The following TP53BP1 variants were observed in gnomAD, a reference collection of about 807,000 sequenced individuals.
TP53BP1 encodes TP53-binding protein 1.
Under a neutral mutation model 200.8 loss-of-function variants are expected in TP53BP1, and 61 were observed. The observed-to-expected ratio is 0.30, with a 90% CI of 0.25 to 0.38. The LOEUF (loss-of-function observed/expected upper bound fraction) is 0.38, where lower values mean the gene tolerates loss of function less well. Ranked by LOEUF, TP53BP1 falls within the 10% of genes least tolerant of loss-of-function variation. The pLI, the probability that TP53BP1 is intolerant of heterozygous loss-of-function variation, is 1.00. For synonymous variants in TP53BP1, 822 were observed against 844.3 expected (o/e 0.97, Z 0.46); for missense variants, 2,144 against 2,371.9 (o/e 0.90, Z 2.00).
At position 43,432,341 on chromosome 15, in the gene TP53BP1, G is replaced by A; in HGVS notation, c.3528C>T (p.Thr1176=). 6.2e-7 allele frequency: 1 copy of A among 1,614,148 alleles called. No individual in the cohort carries two copies. The highest frequency in any genetic ancestry group is 8.5e-7 in the Non-Finnish European group (1 of 1,180,028). Residue 1176 remains threonine (T), a synonymous_variant, in exon 17 of 28, where the codon ACC becomes ACT. Transcript: ENST00000382044. The part of the protein sequence containing the change: ...LRVPETVSAA[T]QTIKNVCEQG... Reference sequence around the variant, plus strand: ...GCTCACACACATTCTTTATAGTCTGGGTTGCTGCTGAAACAGTTTCTGGGA... The same window carrying A: ...GCTCACACACATTCTTTATAGTCTGAGTTGCTGCTGAAACAGTTTCTGGGA...
rs368317370 is a variant in TP53BP1, at chr15:43,455,916, G to C, written c.2692C>G (p.Gln898Glu). Reference sequence around the variant, plus strand: ...CCACTAGAACTTTCACAGAAGCTTTGTGAGGCATGGGCAGAGGGCTTCCCC... The same window carrying C: ...CCACTAGAACTTTCACAGAAGCTTTCTGAGGCATGGGCAGAGGGCTTCCCC... ...KLGKPSAHASQSFCESSSETP... is the reference protein window; with the variant it reads ...KLGKPSAHASESFCESSSETP... The change falls in exon 12 of 28, where the codon CAA (glutamine) becomes GAA (glutamate). Residue 898 changes from glutamine to glutamate, a missense_variant. By Grantham distance (29) the Gln-to-Glu change is conservative (BLOSUM62 2). This residue lies in a region of TP53BP1 where 1,700 missense variants were observed against 1,710.3 expected (regional missense o/e 0.99). Transcript: ENST00000382044. 2.5e-6 allele frequency: 4 copies of C among 1,614,116 alleles called. No homozygotes were observed. The highest frequency in any genetic ancestry group is 2.5e-6 in the Non-Finnish European group (3 of 1,180,034).
At chr15:43,458,191 G>C (rs1397240959) in intron 11 of TP53BP1, among the ~76,000 whole-genome samples, 1 of 152,082 alleles carries the variant, frequency 6.6e-6, no homozygotes, top group East Asian at 1.9e-4. Context: ...CAGCACTTTA[G>C]TAGGCCAAGG....
At chr15:43,474,206 A>G (rs999957920) in intron 10 of TP53BP1, among the ~76,000 whole-genome samples, 5 of 151,986 alleles carry the variant, frequency 3.3e-5, no homozygotes, top group Admixed American at 3.3e-4. Flanking sequence ...CCCACCAGGA[A>G]CTCCAGCTGG....
chr15:43,407,659 C>CCACT, intron 27 of TP53BP1, 89 bp from the exon 28 acceptor site: 1 of 1,263,764 alleles, frequency 7.9e-7, no homozygotes, highest in Non-Finnish European at 1.1e-6. Flanking sequence ...CCAATACATC[C>CCACT]CACTCTGCAC....
rs2045372161 is a variant in TP53BP1, at chr15:43,420,616, A to T, written c.4370T>A (p.Val1457Glu). 1.1e-5 allele frequency: 18 copies of T among 1,614,132 alleles called. No individual in the cohort carries two copies. Among genetic ancestry groups the T allele is most frequent in the Middle Eastern group, 1.6e-4 (1 of 6,062 alleles). The change falls in exon 21 of 28, where the codon GTG becomes GAG. Residue 1457 changes from valine to glutamate, a missense_variant. Val to Glu is a moderately radical substitution (Grantham distance 121). Transcript: ENST00000382044. ...RVPDSTRRTD[V>E]GAGALRRSDS... is the part of the protein sequence containing the mutation. ...ACTACGACGCAAAGCACCAGCACCCACATCTGTTCGTCTGGTGGAGTCTGG... is the reference window on the plus strand; with the variant it reads ...ACTACGACGCAAAGCACCAGCACCCTCATCTGTTCGTCTGGTGGAGTCTGG...
In TP53BP1 at chr15:43,409,787, C is replaced by G. The variant is rs144160143; in HGVS notation, c.5306-46G>C. The G allele has an allele frequency of 7.1e-4, 698 of 987,388 alleles. 7 individuals carry two copies. The African/African-American group carries it at 0.011, about 15-fold the overall frequency. The allele number at this position is 987,388 out of a possible 1,614,324, so 61.2% of individuals were successfully genotyped here. On this transcript the variant is annotated intron_variant, in intron 24 of 27. Transcript: ENST00000382044. ...AAGATAATAATTACTGAGTGGTTTTCTTATTTGCTACCTTATGCCTCCTTC... is the reference window on the plus strand; with the variant it reads ...AAGATAATAATTACTGAGTGGTTTTGTTATTTGCTACCTTATGCCTCCTTC...
chr15:43,416,489 T>A, intron 21 of TP53BP1, 73 bp from the exon 22 acceptor site: 1 of 1,446,442 alleles, frequency 6.9e-7, no homozygotes, highest in South Asian at 1.3e-5. Flanking sequence ...AAGGGCTCTG[T>A]AAAGCAGGCC....
intron 8 of TP53BP1, 42 bp downstream of exon 8, chr15:43,477,551 G>A: frequency 1.3e-6 from 2 of 1,545,142 alleles, no homozygotes; most frequent in Non-Finnish European, 1.7e-6. Context: ...TAAAAGTTTA[G>A]ATCTTTGGAG....
chr15:43,462,309 T>C (rs2046458908), intron 11 of TP53BP1, among the ~76,000 whole-genome samples: 1 of 151,062 alleles, frequency 6.6e-6, no homozygotes, highest in African/African-American at 2.4e-5. Context: ...TTCTCTTTTT[T>C]CTTTTCTTCA....
At chr15:43,499,427 T>G (rs2079198506) in intron 1 of TP53BP1, among the ~76,000 whole-genome samples, 1 of 152,100 alleles carries the variant, frequency 6.6e-6, no homozygotes, top group Admixed American at 6.6e-5. Flanking sequence ...ATTTAAAAAA[T>G]AATAATAAAT....
At chr15:43,446,920 G>A in intron 13 of TP53BP1, 2 of 689,534 alleles carry the variant, frequency 2.9e-6, no homozygotes, top group Non-Finnish European at 4.8e-6. Flanking sequence ...ACTGACTAGA[G>A]AAAACAAATA....
chr15:43,495,394 G>A (rs1377247506), upstream of TP53BP1, among the ~76,000 whole-genome samples: 1 of 151,690 alleles, frequency 6.6e-6, no homozygotes, highest in Non-Finnish European at 1.5e-5. Context: ...AGCTACTCAG[G>A]AGGCTGAGGC....
chr15:43,403,310 T>C lies in TP53BP1; in HGVS notation c.*4073A>G, dbSNP rs914269020. 66 of 175,608 alleles carry C rather than the reference T, an allele frequency of 3.8e-4. No homozygotes were observed. The highest frequency in any genetic ancestry group is 1.3e-4 in the Non-Finnish European group (11 of 82,984). The allele number at this position is 175,608 out of a possible 1,614,324, so 10.9% of individuals were successfully genotyped here. A position where few individuals can be genotyped will look rare whatever the true frequency, so the allele number is the denominator to read the frequency against. ...AAGGCTATAGTGGGGAAGGGAGTGC[T>C]TCACTGAGAGAGTGGGACTTGAACT... On this transcript the variant is annotated 3_prime_UTR_variant, in exon 28 of 28. Coordinates refer to ENST00000382044, the MANE Select transcript of TP53BP1 (RefSeq NM_001141980.3).
chr15:43,425,862 G>A lies in TP53BP1; in HGVS notation c.3828+2154C>T, dbSNP rs370743829. On this transcript the variant is annotated intron_variant, in intron 18 of 27. Coordinates refer to ENST00000382044, the MANE Select transcript of TP53BP1 (RefSeq NM_001141980.3). ...AGGCGGATCACGAGGTCAGGAGATCGAGACCATCCTGGCTAACACGGTGAA... is the reference window on the plus strand; with the variant it reads ...AGGCGGATCACGAGGTCAGGAGATCAAGACCATCCTGGCTAACACGGTGAA... Among the ~76,000 whole-genome samples the A allele has an allele frequency of 8.7e-4, 132 of 151,984 alleles. 2 individuals carry two copies. The East Asian group carries it at 0.024, about 27-fold the overall frequency.
At position 43,456,205 on chromosome 15, in the gene TP53BP1, T is replaced by C. The variant is rs1566944871; in HGVS notation, c.2403A>G (p.Pro801=). 1 of 1,614,196 alleles carries C rather than the reference T, an allele frequency of 6.2e-7. No homozygotes were observed. The change falls in exon 12 of 28, where the codon CCA becomes CCG. Residue 801 remains proline, a synonymous_variant. Transcript: ENST00000382044. ...SWEDIAPEIE[P]CAENRLDTKE... ...TGGTGTCTAATCTATTCTCAGCACA[T>C]GGTTCTATTTCTGGAGCAATATCCT... is the stretch of plus-strand genomic sequence containing the variant.
At chr15:43,416,489 T>TA (rs2045268709) in intron 21 of TP53BP1, 73 bp from the exon 22 acceptor site, 2 of 1,446,324 alleles carry the variant, frequency 1.4e-6, no homozygotes, top group Non-Finnish European at 1.9e-6. Flanking sequence ...AAGGGCTCTG[T>TA]AAAGCAGGCC....
intron 25 of TP53BP1, 81 bp from the exon 26 acceptor site, chr15:43,409,177 G>A (rs1723238766): frequency 7.4e-7 from 1 of 1,351,042 alleles, no homozygotes; most frequent in Non-Finnish European, 1.0e-6. Flanking sequence ...GAGCCATGAA[G>A]AGCAGATCTG....
At chr15:43,423,210 C>A (rs985291488) in intron 18 of TP53BP1, among the ~76,000 whole-genome samples, 19 of 150,144 alleles carry the variant, frequency 1.3e-4, no homozygotes, top group Admixed American at 1.1e-3. Context: ...TAAGACCAAT[C>A]AGCAATGTTC....
At chr15:43,459,388 G>A (rs190725290) in intron 11 of TP53BP1, among the ~76,000 whole-genome samples, 17 of 152,076 alleles carry the variant, frequency 1.1e-4, no homozygotes, top group Non-Finnish European at 1.6e-4. Flanking sequence ...AAATTCATGG[G>A]AAATTATTCA....
Sources: allele counts gnomAD v4.1 joint callset (sites outside exome capture counted in the v4.1 genomes callset), GRCh38; gene constraint gnomAD v4.1.1; regional missense constraint gnomAD v4.1.1; transcripts MANE v1.5; gene names NCBI Gene and HGNC (gene_info 2026-07-23, HGNC 2026-07-21).